The following FOXK2 variants were observed in gnomAD, a reference collection of about 807,000 sequenced individuals.
The protein encoded by FOXK2 is forkhead box protein K2.
FOXK2 carries 24 observed loss-of-function variants against 53.3 expected under a neutral mutation model. The ratio of observed to expected loss-of-function variants is 0.45; its 90% CI spans 0.33 to 0.63. The LOEUF (loss-of-function observed/expected upper bound fraction) is 0.63, where lower values mean the gene tolerates loss of function less well. Ranked by LOEUF, FOXK2 falls within the 30% of genes least tolerant of loss-of-function variation. The pLI, the probability that FOXK2 is intolerant of heterozygous loss-of-function variation, is 0.03. For missense variants in FOXK2, 952 were observed against 910.5 expected, an observed-to-expected ratio of 1.05 and a Z score of -0.59; for synonymous variants, 505 against 407.1, an observed-to-expected ratio of 1.24 and a Z score of -2.89.
At chr17:82,522,211 C>T (rs1392858484) in intron 1 of FOXK2, among the ~76,000 whole-genome samples, 3 of 151,904 alleles carry the variant, frequency 2.0e-5, no homozygotes, top group African/African-American at 7.3e-5. Flanking sequence ...CAGCCTCAAA[C>T]TTCTGGGCAC....
At chr17:82,553,657 C>T (rs899196417) in intron 1 of FOXK2, among the ~76,000 whole-genome samples, 4 of 152,174 alleles carry the variant, frequency 2.6e-5, no homozygotes, top group Non-Finnish European at 4.4e-5. Context: ...GGCGTGGCTG[C>T]GAAGAGGCCC....
In FOXK2 at chr17:82,586,125, G is replaced by A. The variant is rs757205677; in HGVS notation, c.1501G>A (p.Val501Met). Residue 501 changes from valine (V) to methionine (M), a missense_variant, in exon 7 of 9, where the codon GTG (valine) becomes ATG (methionine). By Grantham distance (21) the Val-to-Met change is conservative. This residue lies in a region of FOXK2 where 551 missense variants were observed against 385.1 expected (regional missense o/e 1.43). Coordinates refer to ENST00000335255, the MANE Select transcript of FOXK2 (RefSeq NM_004514.4). ...ANTYTVSGQA[V>M]VTPAAVLAPP... is the part of the protein sequence containing the mutation. ...CACGTACACTGTCTCTGGACAAGCT[G>A]TGGTCACCCCGGCAGCCGTGCTGGC... The A allele has an allele frequency of 6.2e-7, 1 of 1,612,672 alleles. No homozygotes were observed. Among genetic ancestry groups the A allele is most frequent in the Non-Finnish European group, 8.5e-7 (1 of 1,179,934 alleles).
At chr17:82,586,587 A>G (rs2143127408) in intron 7 of FOXK2, among the ~76,000 whole-genome samples, 1 of 151,902 alleles carries the variant, frequency 6.6e-6, no homozygotes, top group East Asian at 1.9e-4. Context: ...TCAGCCTCAC[A>G]CTCTGGGAAG....
At chr17:82,589,533 A>AC (rs2045232483) in intron 8 of FOXK2, among the ~76,000 whole-genome samples, 1 of 152,234 alleles carries the variant, frequency 6.6e-6, no homozygotes, top group African/African-American at 2.4e-5. Context: ...TTTAAAGGAA[A>AC]CCACCTGATT....
intron 1 of FOXK2, among the ~76,000 whole-genome samples, chr17:82,543,978 G>C (rs900194805): frequency 1.3e-5 from 2 of 151,968 alleles, no homozygotes; most frequent in Admixed American, 1.3e-4. Flanking sequence ...GGGTTTCACT[G>C]TGTTAGCCAG....
intron 6 of FOXK2, 52 bp from the exon 7 acceptor site, chr17:82,585,852 G>C (rs1478877634): frequency 3.8e-6 from 6 of 1,563,816 alleles, no homozygotes; most frequent in Middle Eastern, 3.4e-4. Context: ...GAGAACCTTT[G>C]TTTGTAGAAG....
In FOXK2 at chr17:82,519,800, G is replaced by A. The variant is rs1484860605; in HGVS notation, c.-89G>A. On this transcript the variant is annotated 5_prime_UTR_variant, in exon 1 of 9. Transcript: ENST00000335255. ...CTCGGCCCCCTCCCTCAGCTCCGGT[G>A]CGCGGCGGCCGACGACCCGCGCGGC... 2 of 413,210 alleles carry A rather than the reference G, an allele frequency of 4.8e-6. No homozygotes were observed. The highest frequency in any genetic ancestry group is 6.4e-6 in the Non-Finnish European group (2 of 310,962). The allele number at this position is 413,210 out of a possible 1,614,324, so 25.6% of individuals were successfully genotyped here. A position where few individuals can be genotyped will look rare whatever the true frequency, so the allele number is the denominator to read the frequency against.
chr17:82,597,831 G>A (rs1032128936), intron 8 of FOXK2, among the ~76,000 whole-genome samples: 1 of 152,100 alleles, frequency 6.6e-6, no homozygotes, highest in African/African-American at 2.4e-5. Context: ...TGTATTTTTA[G>A]TAGAGACGGG....
intron 1 of FOXK2, among the ~76,000 whole-genome samples, chr17:82,550,397 C>A (rs1473442600): frequency 6.6e-6 from 1 of 152,076 alleles, no homozygotes; most frequent in African/African-American, 2.4e-5. Context: ...GGGCTGTGTC[C>A]CATTGAACTT....
At chr17:82,546,719 C>T (rs1004042716) in intron 1 of FOXK2, among the ~76,000 whole-genome samples, 1 of 152,068 alleles carries the variant, frequency 6.6e-6, no homozygotes, top group African/African-American at 2.4e-5. Flanking sequence ...CCTCCCACCT[C>T]AGACTCCCAA....
chr17:82,536,978 C>G (rs888930552), intron 1 of FOXK2, among the ~76,000 whole-genome samples: 2 of 152,194 alleles, frequency 1.3e-5, no homozygotes, highest in Non-Finnish European at 2.9e-5. Context: ...AGAACAGACA[C>G]ACACAATACA....
At chr17:82,524,406 T>C (rs2044397236) in intron 1 of FOXK2, among the ~76,000 whole-genome samples, 3 of 152,204 alleles carry the variant, frequency 2.0e-5, no homozygotes, top group African/African-American at 7.2e-5. Context: ...AGGTTTAAAA[T>C]TTGGCTCATT....
intron 1 of FOXK2, among the ~76,000 whole-genome samples, chr17:82,559,830 AGGAAAAGAG>A (rs1237856941): frequency 6.6e-6 from 1 of 152,082 alleles, no homozygotes; most frequent in Non-Finnish European, 1.5e-5. Context: ...TAGAGCAGGA[AGGAAAAGAG>A]GTAAAGTACA....
rs1408913686 is a variant in FOXK2, at chr17:82,603,006, A to T, written c.*1507A>T. ...CAGAATGGTATATTTAGGCAATTTTAAAACATTTATTATTTACATAAAGAC... is the reference window on the plus strand; with the variant it reads ...CAGAATGGTATATTTAGGCAATTTTTAAACATTTATTATTTACATAAAGAC... On this transcript the variant is annotated 3_prime_UTR_variant, in exon 9 of 9. Coordinates refer to ENST00000335255, the MANE Select transcript of FOXK2 (RefSeq NM_004514.4). The T allele has an allele frequency of 2.6e-5, 4 of 152,648 alleles. No individual in the cohort carries two copies. The highest frequency in any genetic ancestry group is 9.6e-5 in the African/African-American group (4 of 41,456). 9.5% of individuals were successfully genotyped at this position (152,648 alleles called of 1,614,324 possible).
intron 4 of FOXK2, among the ~76,000 whole-genome samples, chr17:82,572,296 C>T (rs2044926759): frequency 6.6e-6 from 1 of 152,218 alleles, no homozygotes; most frequent in Non-Finnish European, 1.5e-5. Context: ...TTTGCAGAGA[C>T]AGTTTTCAAA....
chr17:82,524,702 T>C (rs1186590784), intron 1 of FOXK2, among the ~76,000 whole-genome samples: 2 of 152,160 alleles, frequency 1.3e-5, no homozygotes, highest in East Asian at 1.9e-4. Flanking sequence ...TTTCCTCTCT[T>C]AGAGCCTCTG....
At chr17:82,566,800 A>C (rs1307021066) in intron 2 of FOXK2, among the ~76,000 whole-genome samples, 1 of 152,124 alleles carries the variant, frequency 6.6e-6, no homozygotes, top group Non-Finnish European at 1.5e-5. Context: ...GTCAGGGGGA[A>C]CCCAGGTCCC....
At chr17:82,589,544 C>A (rs1017054176) in intron 8 of FOXK2, among the ~76,000 whole-genome samples, 1 of 152,232 alleles carries the variant, frequency 6.6e-6, no homozygotes, top group South Asian at 2.1e-4. Context: ...CCACCTGATT[C>A]GTTCTGTATT....
chr17:82,526,787 C>T (rs987721209), intron 1 of FOXK2, among the ~76,000 whole-genome samples: 4 of 150,482 alleles, frequency 2.7e-5, no homozygotes, highest in Admixed American at 6.6e-5. Flanking sequence ...GCCGAGATCG[C>T]GCCACTGCAC....
Sources: allele counts gnomAD v4.1 joint callset (sites outside exome capture counted in the v4.1 genomes callset), GRCh38; gene constraint gnomAD v4.1.1; regional missense constraint gnomAD v4.1.1; transcripts MANE v1.5; gene names NCBI Gene and HGNC (gene_info 2026-07-23, HGNC 2026-07-21).